ALDH3A1: variants seen among roughly 807,000 people sequenced by gnomAD.
The protein encoded by ALDH3A1 is aldehyde dehydrogenase, dimeric NADP-preferring.
ALDH3A1 carries 46 observed loss-of-function variants against 49.9 expected under a neutral mutation model. The ratio of observed to expected loss-of-function variants is 0.92; its 90% CI spans 0.73 to 1.18. The LOEUF is 1.18. Ranked by LOEUF, ALDH3A1 falls within the 50% of genes most tolerant of loss-of-function variation. The pLI, the probability that ALDH3A1 is intolerant of heterozygous loss-of-function variation, is 0.00. For synonymous variants in ALDH3A1, 269 were observed against 253.3 expected, an observed-to-expected ratio of 1.06 and a Z score of -0.59; for missense variants, 592 against 611.8, an observed-to-expected ratio of 0.97 and a Z score of 0.34.
Position 19,739,240 on chromosome 17 carries a change from T to G in ALDH3A1, c.1117-145A>C, listed in dbSNP as rs1225523213. The stretch of plus-strand genomic sequence containing the variant: ...CTTAGCCTCCATCTCCTGCTCTTCC[T>G]GCAGACCGCGTGGCTGTCAGCACCA... On this transcript the variant is annotated intron_variant, in intron 8 of 10. Coordinates refer to ENST00000225740, the MANE Select transcript of ALDH3A1 (RefSeq NM_000691.5). 5 of 830,864 alleles carry G rather than the reference T, an allele frequency of 6.0e-6. No individual in the cohort carries two copies. The South Asian group carries it at 8.3e-5, about 14-fold the overall frequency. The allele number at this position is 830,864 out of a possible 1,614,324, so 51.5% of individuals were successfully genotyped here.
intron 6 of ALDH3A1, 45 bp from the exon 7 acceptor site, chr17:19,740,522 G>C (rs371742779): frequency 5.4e-5 from 87 of 1,605,820 alleles, no homozygotes; most frequent in Non-Finnish European, 7.0e-5. Context: ...GCAGAGCCTC[G>C]TCCTGCCCAA....
At chr17:19,744,895 TCCCCAGCCCCTCC>T in intron 2 of ALDH3A1, 60 bp downstream of exon 2, 2 of 924,174 alleles carry the variant, frequency 2.2e-6, no homozygotes, top group Non-Finnish European at 2.8e-6. Context: ...GGTCGCACTC[TCCCCAGCCCCTCC>T]CCCCACGCCC....
Position 19,738,167 on chromosome 17 carries a change from G to A in ALDH3A1, c.*54C>T. 1.2e-6 allele frequency: 2 copies of A among 1,612,778 alleles called. No homozygotes were observed. Among genetic ancestry groups the A allele is most frequent in the Non-Finnish European group, 1.7e-6 (2 of 1,179,962 alleles). ...CAGGGCCAGGAGAGCCAGTGAGGGTGGTCCGCACTCCGATGGGACACAGTA... is the reference window on the plus strand; with the variant it reads ...CAGGGCCAGGAGAGCCAGTGAGGGTAGTCCGCACTCCGATGGGACACAGTA... On this transcript the variant is annotated 3_prime_UTR_variant, in exon 11 of 11. Transcript: ENST00000225740.
At chr17:19,739,395 G>T in intron 8 of ALDH3A1, 113 bp downstream of exon 8, 1 of 1,279,950 alleles carries the variant, frequency 7.8e-7, no homozygotes, top group Non-Finnish European at 1.1e-6. Flanking sequence ...AGCTCAGAAA[G>T]ATCCAGTGAC....
rs368807570 is a variant in ALDH3A1, at chr17:19,743,378, G to A, written c.248C>T (p.Ala83Val). ...YMIQKLPEWA[A>V]DEPVEKTPQT... is the part of the protein sequence containing the mutation. Reference sequence around the variant, plus strand: ...GGGCGTCTTCTCCACGGGCTCATCCGCGGCCCACTCAGGGAGCTTCTGGAT... The same window carrying A: ...GGGCGTCTTCTCCACGGGCTCATCCACGGCCCACTCAGGGAGCTTCTGGAT... The change falls in exon 3 of 11, where the codon GCG becomes GTG. Residue 83 changes from alanine to valine, a missense_variant. Ala to Val is a moderately conservative substitution (Grantham distance 64). Transcript: ENST00000225740. The surrounding 1 kb of genome is among the most constrained non-coding windows in gnomAD (Gnocchi z 4.4). 243 of 1,614,038 alleles carry A rather than the reference G, an allele frequency of 1.5e-4. No homozygotes were observed. The highest frequency in any genetic ancestry group is 2.0e-4 in the Non-Finnish European group (234 of 1,180,040).
At chr17:19,747,558 C>A (rs568580996) in intron 1 of ALDH3A1, among the ~76,000 whole-genome samples, 4 of 152,330 alleles carry the variant, frequency 2.6e-5, no homozygotes, top group African/African-American at 9.6e-5. Context: ...CTGGGCTGGA[C>A]GGCCTTCCCA....
At chr17:19,738,631 G>A in intron 9 of ALDH3A1, 178 bp from the exon 10 acceptor site, 1 of 967,870 alleles carries the variant, frequency 1.0e-6, no homozygotes. Context: ...CCAGGTTGTG[G>A]CCCTTTTCTG....
At chr17:19,745,397 A>T in intron 1 of ALDH3A1, 1 of 465,326 alleles carries the variant, frequency 2.1e-6, no homozygotes, top group South Asian at 3.6e-5. Context: ...GGCTCTTGGC[A>T]GCGTGCTCGC....
In ALDH3A1 at chr17:19,738,327, G is replaced by T. The variant is rs747570938; in HGVS notation, c.1343C>A (p.Ala448Asp). The T allele has an allele frequency of 1.2e-6, 2 of 1,612,918 alleles. No homozygotes were observed. The highest frequency in any genetic ancestry group is 1.1e-5 in the South Asian group (1 of 91,070). ...GLKVRYPPSP[A>D]KMTQH ...ACAGCGCCTTCCCCCTCTCACCTTG[G>T]CCGGGCTCGGGGGGTATCTGACCTT... The change falls in exon 10 of 11, where the codon GCC (alanine) becomes GAC (aspartate). Residue 448 changes from alanine to aspartate, a missense_variant. Transcript: ENST00000225740.
rs1407666590 is a variant in ALDH3A1 at position 19,743,009 on chromosome 17, G to A, written c.394+223C>T. 6 of 1,531,778 alleles carry A rather than the reference G, an allele frequency of 3.9e-6. No individual in the cohort carries two copies. Among genetic ancestry groups the A allele is most frequent in the Non-Finnish European group, 5.2e-6 (6 of 1,144,914 alleles). The allele number at this position is 1,531,778 out of a possible 1,614,324, so 94.9% of individuals were successfully genotyped here. A position where few individuals can be genotyped will look rare whatever the true frequency, so the allele number is the denominator to read the frequency against. ...CAGCCCCCCAACAGGGGTGGGGGAA[G>A]GCAGGCCCTCTCTGTATCACCAGGT... On this transcript the variant is annotated intron_variant, in intron 3 of 10. Transcript: ENST00000225740. The surrounding 1 kb of genome is among the most constrained non-coding windows in gnomAD (Gnocchi z 4.4).
chr17:19,738,288 G>T (rs774198203), intron 10 of ALDH3A1, 35 bp downstream of exon 10: 1 of 1,613,762 alleles, frequency 6.2e-7, no homozygotes, highest in Non-Finnish European at 8.5e-7. Flanking sequence ...GTCCCGCACA[G>T]CCCGGTCTCC....
chr17:19,740,167 GTCCT>G, intron 7 of ALDH3A1, 165 bp downstream of exon 7: 10 of 786,678 alleles, frequency 1.3e-5, no homozygotes, highest in East Asian at 5.5e-5. Flanking sequence ...AGCAGGGGCT[GTCCT>G]CAGCCCCTGC....
intron 2 of ALDH3A1, 67 bp downstream of exon 2, chr17:19,744,901 G>GGCCCCCCCCCCCCCC: frequency 4.6e-6 from 2 of 434,632 alleles, no homozygotes; most frequent in Non-Finnish European, 6.4e-6. Context: ...ACTCTCCCCA[G>GGCCCCCCCCCCCCCC]CCCCTCCCCC....
intron 8 of ALDH3A1, 118 bp downstream of exon 8, chr17:19,739,390 A>G (rs1166157198): frequency 1.6e-6 from 2 of 1,241,326 alleles, no homozygotes; most frequent in South Asian, 1.5e-5. Context: ...AAAGGAGCTC[A>G]GAAAGATCCA....
chr17:19,743,265 T>C lies in ALDH3A1; in HGVS notation c.361A>G (p.Thr121Ala). Residue 121 changes from threonine (T) to alanine (A), a missense_variant, in exon 3 of 11, where the codon ACC becomes GCC. By Grantham distance (58) the Thr-to-Ala change is moderately conservative (BLOSUM62 0). Coordinates refer to ENST00000225740, the MANE Select transcript of ALDH3A1 (RefSeq NM_000691.5). The surrounding 1 kb of genome is among the most constrained non-coding windows in gnomAD (Gnocchi z 4.4). ...ATGGCGCCCACCATGGGCTGGATGG[T>C]GAGGTTGAAGGGGTAGTTCCAGGTG... Reference protein sequence around the residue: ...IGTWNYPFNLTIQPMVGAIAA... With the variant: ...IGTWNYPFNLAIQPMVGAIAA... 6.2e-7 allele frequency: 1 copy of C among 1,613,680 alleles called. No individual in the cohort carries two copies. The highest frequency in any genetic ancestry group is 8.5e-7 in the Non-Finnish European group (1 of 1,179,892).
intron 5 of ALDH3A1, 38 bp downstream of exon 5, chr17:19,741,966 G>C: frequency 6.3e-7 from 1 of 1,597,270 alleles, no homozygotes; most frequent in South Asian, 1.1e-5. Context: ...GGAAAGCAGA[G>C]TAAGGACTGC....
rs763539601 is a variant in ALDH3A1, at chr17:19,739,104, G to A, written c.1117-9C>T. The stretch of plus-strand genomic sequence containing the variant: ...ATCATCTTCTTAATCACCTGCACCA[G>A]GACCCAGCCACTGGCCTCAGTCTCC... On this transcript the variant is annotated splice_polypyrimidine_tract_variant and intron_variant, in intron 8 of 10. Transcript: ENST00000225740. 8 of 1,610,730 alleles carry A rather than the reference G, an allele frequency of 5.0e-6. No homozygotes were observed. In the South Asian group the frequency reaches 7.7e-5, roughly 16 times the overall value.
rs57485106 is a variant in ALDH3A1, at chr17:19,745,003, C to G, written c.127G>C (p.Glu43Gln). The change falls in exon 2 of 11, where the codon GAG becomes CAG. Residue 43 changes from glutamate (E) to glutamine (Q), a missense_variant. Transcript: ENST00000225740. ...TCTGCGGCCAGCGCGCCCACCAGCTCCTGCTCCTGCTCCTGGATCAGGCGC... is the reference window on the plus strand; with the variant it reads ...TCTGCGGCCAGCGCGCCCACCAGCTGCTGCTCCTGCTCCTGGATCAGGCGC... Reference protein sequence around the residue: ...LQRLIQEQEQELVGALAADLH... With the variant: ...LQRLIQEQEQQLVGALAADLH... 2,262 of 1,590,352 alleles carry G rather than the reference C, an allele frequency of 1.4e-3. 25 individuals carry two copies. The African/African-American group carries it at 0.025, about 18-fold the overall frequency.
chr17:19,743,246 C>T lies in ALDH3A1; in HGVS notation c.380G>A (p.Gly127Asp). 6.2e-7 allele frequency: 1 copy of T among 1,613,682 alleles called. No individual in the cohort carries two copies. Among genetic ancestry groups the T allele is most frequent in the African/African-American group, 1.3e-5 (1 of 75,026 alleles). ...PFNLTIQPMV[G>D]AIAAGNSVVL... ...GGGCCATGCACCTGCAGCGATGGCGCCCACCATGGGCTGGATGGTGAGGTT... is the reference window on the plus strand; with the variant it reads ...GGGCCATGCACCTGCAGCGATGGCGTCCACCATGGGCTGGATGGTGAGGTT... The change falls in exon 3 of 11, where the codon GGC becomes GAC. Residue 127 changes from glycine (G) to aspartate (D), a missense_variant. Gly to Asp is a moderately conservative substitution (Grantham distance 94). Transcript: ENST00000225740. This position sits in a 1 kb window ranked among gnomAD's most constrained non-coding sequence, Gnocchi z 4.4.
Sources: gnomAD v4.1 joint callset for allele counts (sites outside exome capture counted in the v4.1 genomes callset) on GRCh38, gnomAD v4.1.1 for gene constraint, Gnocchi (gnomAD v3.1) non-coding constraint, MANE v1.5 for transcripts, NCBI Gene and HGNC (gene_info 2026-07-23, HGNC 2026-07-21) for gene names.